Variants in TMEM178A observed in about 807,000 individuals in gnomAD.
TMEM178A encodes the protein transmembrane protein 178A.
TMEM178A carries 12 observed loss-of-function variants against 29.1 expected under a neutral mutation model. The observed-to-expected ratio is 0.41, with a 90% CI of 0.26 to 0.67. The LOEUF (loss-of-function observed/expected upper bound fraction) is 0.67, where lower values mean the gene tolerates loss of function less well. Among genes scored for constraint, TMEM178A ranks in the 30% least tolerant of loss-of-function variants. TMEM178A has a pLI of 0.29. For synonymous variants in TMEM178A, 210 were observed against 187.2 expected (o/e 1.12, Z -0.99); for missense variants, 366 against 419.1 (o/e 0.87, Z 1.11).
chr2:39,665,807 G>C (rs1443560393), upstream of TMEM178A: 1 of 603,510 alleles, frequency 1.7e-6, no homozygotes, highest in Non-Finnish European at 2.5e-6. Context: ...ATCAGGCCAG[G>C]GGAGAGGGAG....
At chr2:39,676,465 T>C (rs543684402) in intron 1 of TMEM178A, among the ~76,000 whole-genome samples, 1 of 152,346 alleles carries the variant, frequency 6.6e-6, no homozygotes, top group South Asian at 2.1e-4. Flanking sequence ...CATTTTCCGA[T>C]GTCTTCTTTT....
chr2:39,731,912 C>T, the TMEM178A span, among the ~76,000 whole-genome samples: 3 of 152,184 alleles, frequency 2.0e-5, no homozygotes, highest in African/African-American at 7.2e-5. Flanking sequence ...AGGCAATCTT[C>T]CAACTACATA....
chr2:39,730,923 G>C, the TMEM178A span, among the ~76,000 whole-genome samples: 5 of 152,328 alleles, frequency 3.3e-5, no homozygotes, highest in South Asian at 8.3e-4. Context: ...ATAGCACACA[G>C]AGTATCCTGT....
intron 1 of TMEM178A, among the ~76,000 whole-genome samples, chr2:39,699,367 C>T (rs188991823): frequency 2.0e-5 from 3 of 152,048 alleles, no homozygotes; most frequent in Admixed American, 2.0e-4. Context: ...TATGTATTTC[C>T]ACCCTAGCTT....
intron 1 of TMEM178A, among the ~76,000 whole-genome samples, chr2:39,690,521 C>T (rs1437982106): frequency 6.6e-6 from 1 of 152,166 alleles, no homozygotes; most frequent in African/African-American, 2.4e-5. Flanking sequence ...GCCAACAATA[C>T]TAAGATGCCC....
rs375900372 is a variant in TMEM178A, at chr2:39,688,681, G to C, written c.401-15400G>C. Reference sequence around the variant, plus strand: ...GTCTTTTCAACTTTGCTTTATCATTGCTTAACTTTGATTATTGCTTAGAAA... The same window carrying C: ...GTCTTTTCAACTTTGCTTTATCATTCCTTAACTTTGATTATTGCTTAGAAA... On this transcript the variant is annotated intron_variant, in intron 1 of 3. Coordinates refer to ENST00000281961, the MANE Select transcript of TMEM178A (RefSeq NM_152390.3). 3.3e-5 allele frequency among the ~76,000 whole-genome samples: 5 copies of C among 152,314 alleles called. No individual in the cohort carries two copies. In the East Asian group the frequency reaches 5.8e-4, roughly 18 times the overall value.
chr2:39,679,718 G>T (rs1017366404), intron 1 of TMEM178A, among the ~76,000 whole-genome samples: 3 of 152,132 alleles, frequency 2.0e-5, no homozygotes, highest in Non-Finnish European at 4.4e-5. Context: ...TTCATTCTAT[G>T]TATGTCCTTT....
chr2:39,687,078 A>AC (rs1671112580), intron 1 of TMEM178A, among the ~76,000 whole-genome samples: 2 of 149,400 alleles, frequency 1.3e-5, no homozygotes, highest in African/African-American at 4.9e-5. Context: ...AAGTTGTCTC[A>AC]CCCTCTCCTT....
Position 39,665,990 on chromosome 2 carries a change from C to A in TMEM178A, c.16C>A (p.Leu6Ile). The A allele has an allele frequency of 7.1e-7, 1 of 1,413,310 alleles. No homozygotes were observed. The highest frequency in any genetic ancestry group is 9.2e-7 in the Non-Finnish European group (1 of 1,085,638). The allele number at this position is 1,413,310 out of a possible 1,614,324, so 87.5% of individuals were successfully genotyped here. A position where few individuals can be genotyped will look rare whatever the true frequency, so the allele number is the denominator to read the frequency against. The change falls in exon 1 of 4, where the codon CTC (leucine) becomes ATC (isoleucine). Residue 6 changes from leucine (L) to isoleucine (I), a missense_variant. This residue lies in a region of TMEM178A where 247 missense variants were observed against 246.8 expected (regional missense o/e 1.00). Coordinates refer to ENST00000281961, the MANE Select transcript of TMEM178A (RefSeq NM_152390.3). ...GCGGGAAGCCATGGAGCCGCGGGCG[C>A]TCGTCACGGCGCTCAGCCTCGGCCT... MEPRA[L>I]VTALSLGLSL... is the part of the protein sequence containing the mutation.
intron 1 of TMEM178A, among the ~76,000 whole-genome samples, 171 bp downstream of exon 1, chr2:39,666,545 A>G (rs1297832759): frequency 6.6e-6 from 1 of 150,756 alleles, no homozygotes; most frequent in Admixed American, 6.6e-5. Context: ...TTCTTTCCCC[A>G]CTGCCTCCCT....
chr2:39,726,237 G>T, the TMEM178A span, among the ~76,000 whole-genome samples: 1 of 152,264 alleles, frequency 6.6e-6, no homozygotes, highest in African/African-American at 2.4e-5. Context: ...AGTGCTAAAG[G>T]TGAGGGGATG....
chr2:39,714,651 G>A (rs1009291129), intron 3 of TMEM178A, among the ~76,000 whole-genome samples: 1 of 152,202 alleles, frequency 6.6e-6, no homozygotes, highest in African/African-American at 2.4e-5. Flanking sequence ...CCATGACACT[G>A]AGAGCAGAGA....
chr2:39,706,559 T>A (rs79328749), intron 2 of TMEM178A, among the ~76,000 whole-genome samples: 2 of 152,346 alleles, frequency 1.3e-5, no homozygotes, highest in Admixed American at 1.3e-4. Flanking sequence ...TCACAATAGC[T>A]TTTTTAGGCT....
At chr2:39,677,964 A>G (rs190023886) in intron 1 of TMEM178A, among the ~76,000 whole-genome samples, 1 of 149,914 alleles carries the variant, frequency 6.7e-6, no homozygotes, top group Non-Finnish European at 1.5e-5. Flanking sequence ...TTCGACAAGA[A>G]AAAAAAAAAG....
At chr2:39,685,946 C>T (rs73927023) in intron 1 of TMEM178A, among the ~76,000 whole-genome samples, 3,503 of 152,292 alleles carry the variant, frequency 0.023, 141 homozygotes, top group African/African-American at 0.08. Context: ...TTTTGGCTTA[C>T]TGTGGGTCTG....
At chr2:39,705,678 A>G (rs1029962328) in intron 2 of TMEM178A, among the ~76,000 whole-genome samples, 1 of 152,218 alleles carries the variant, frequency 6.6e-6, no homozygotes, top group Non-Finnish European at 1.5e-5. Flanking sequence ...CTAAGGTGCT[A>G]AGAGCAAGAC....
At chr2:39,694,750 A>G (rs1447490416) in intron 1 of TMEM178A, among the ~76,000 whole-genome samples, 1 of 152,258 alleles carries the variant, frequency 6.6e-6, no homozygotes, top group Admixed American at 6.5e-5. Context: ...ATTGCATGTT[A>G]AATTTAAAAA....
chr2:39,692,242 A>T (rs1029730107), intron 1 of TMEM178A, among the ~76,000 whole-genome samples: 1 of 152,140 alleles, frequency 6.6e-6, no homozygotes, highest in Admixed American at 6.5e-5. Context: ...GATTCTGGAG[A>T]TTTATTTACA....
At chr2:39,714,730 G>A (rs1672461386) in intron 3 of TMEM178A, among the ~76,000 whole-genome samples, 1 of 152,144 alleles carries the variant, frequency 6.6e-6, no homozygotes, top group South Asian at 2.1e-4. Context: ...GTATGAACCG[G>A]TGGTTTAATG....
Sources: gnomAD v4.1 joint callset for allele counts (sites outside exome capture counted in the v4.1 genomes callset) on GRCh38, gnomAD v4.1.1 for gene constraint, gnomAD v4.1.1 regional missense constraint, MANE v1.5 for transcripts, NCBI Gene and HGNC (gene_info 2026-07-23, HGNC 2026-07-21) for gene names.